The following CACNA2D3 variants were observed in gnomAD, a reference collection of about 807,000 sequenced individuals.
CACNA2D3 encodes the protein calcium voltage-gated channel auxiliary subunit alpha2delta 3, also known as voltage-dependent calcium channel subunit alpha-2/delta-3.
CACNA2D3 carries 60 observed loss-of-function variants against 160.6 expected under a neutral mutation model. The observed-to-expected ratio is 0.37, with a 90% confidence interval of 0.30 to 0.46. The LOEUF is 0.46. CACNA2D3 is among the 20% of genes least tolerant of loss of function. The pLI is 1.00. For synonymous variants in CACNA2D3, 558 were observed against 492.9 expected, an observed-to-expected ratio of 1.13 and a Z score of -1.75; for missense variants, 1,205 against 1,365.0, an observed-to-expected ratio of 0.88 and a Z score of 1.85.
intron 9 of CACNA2D3, among the ~76,000 whole-genome samples, chr3:54,621,734 G>A (rs762821999): frequency 3.3e-5 from 5 of 152,174 alleles, no homozygotes; most frequent in African/African-American, 9.7e-5. Context: ...AGTCAGCTAC[G>A]TGTCTCTATC....
chr3:54,526,640 T>G (rs1274569687), intron 5 of CACNA2D3, among the ~76,000 whole-genome samples: 1 of 152,206 alleles, frequency 6.6e-6, no homozygotes, highest in East Asian at 1.9e-4. Context: ...GAGCTTGGTC[T>G]TTTTCCCTGG....
chr3:55,041,133 A>G (rs1356886635), intron 35 of CACNA2D3, among the ~76,000 whole-genome samples: 2 of 152,160 alleles, frequency 1.3e-5, no homozygotes, highest in African/African-American at 4.8e-5. Flanking sequence ...TCAAAGCTGC[A>G]TGGTACTCCA....
At chr3:54,573,989 G>C (rs1702541764) in intron 8 of CACNA2D3, among the ~76,000 whole-genome samples, 1 of 152,056 alleles carries the variant, frequency 6.6e-6, no homozygotes, top group Non-Finnish European at 1.5e-5. Flanking sequence ...CGACCCAACT[G>C]CAGGTTCTTA....
chr3:54,374,929 C>G (rs1488674822), intron 3 of CACNA2D3, among the ~76,000 whole-genome samples: 3 of 152,216 alleles, frequency 2.0e-5, no homozygotes, highest in African/African-American at 4.8e-5. Flanking sequence ...TCCTTTCTCA[C>G]TAGCTCCCTG....
At chr3:54,300,358 T>C (rs963158163) in intron 2 of CACNA2D3, among the ~76,000 whole-genome samples, 9 of 152,258 alleles carry the variant, frequency 5.9e-5, no homozygotes, top group Non-Finnish European at 8.8e-5. Flanking sequence ...CCACGTGGCA[T>C]ATTCTCCCAA....
intron 17 of CACNA2D3, among the ~76,000 whole-genome samples, chr3:54,859,972 G>GCGCGCGCACACACACACACACACACA (rs535185040): frequency 1.9e-4 from 26 of 133,884 alleles, no homozygotes; most frequent in African/African-American, 7.2e-4. Flanking sequence ...GAAAGTAGAT[G>GCGCGCGCACACACACACACACACACA]CACACACACA....
At chr3:54,599,171 AT>A (rs758012701) in intron 9 of CACNA2D3, among the ~76,000 whole-genome samples, 4 of 152,188 alleles carry the variant, frequency 2.6e-5, no homozygotes, top group African/African-American at 4.8e-5. Context: ...TAGTCACGCC[AT>A]CCCCTTAAAC....
intron 13 of CACNA2D3, among the ~76,000 whole-genome samples, chr3:54,771,763 C>A (rs1031765721): frequency 6.6e-6 from 1 of 151,982 alleles, no homozygotes; most frequent in Non-Finnish European, 1.5e-5. Flanking sequence ...TCTAATTATA[C>A]CAGGGATATC....
At chr3:54,790,732 G>C (rs766547388) in intron 13 of CACNA2D3, among the ~76,000 whole-genome samples, 4 of 152,120 alleles carry the variant, frequency 2.6e-5, no homozygotes, top group Non-Finnish European at 5.9e-5. Context: ...CACCTCTGGA[G>C]CCTGATCATG....
chr3:54,511,789 T>C (rs1381181539), intron 5 of CACNA2D3, among the ~76,000 whole-genome samples: 1 of 152,190 alleles, frequency 6.6e-6, no homozygotes, highest in Non-Finnish European at 1.5e-5. Context: ...ACAGTAATAG[T>C]AGGGAGCTGG....
chr3:54,570,192 C>T, intron 8 of CACNA2D3, 88 bp downstream of exon 8: 2 of 1,341,412 alleles, frequency 1.5e-6, no homozygotes, highest in Non-Finnish European at 2.1e-6. Flanking sequence ...GCTGTTAGAT[C>T]CAGAGCATCT....
chr3:54,287,339 C>A lies in CACNA2D3; in HGVS notation c.205-33103C>A, dbSNP rs542201856. ...CAAAAGAGACAAAGAAGGCCATTAC[C>A]TAATGGTAAAGGGATCAATTCAACA... On this transcript the variant is annotated intron_variant, in intron 2 of 37. Coordinates refer to ENST00000474759, the MANE Select transcript of CACNA2D3 (RefSeq NM_018398.3). Among the ~76,000 whole-genome samples, 1,306 of 152,100 alleles carry A rather than the reference C, an allele frequency of 8.6e-3. 13 individuals are homozygous for A. The highest frequency in any genetic ancestry group is 0.014 in the Non-Finnish European group (945 of 67,958).
At position 54,824,153 on chromosome 3, in the gene CACNA2D3, T is replaced by A. The variant is rs149440683; in HGVS notation, c.1398+7283T>A. ...AAAGGTTTATAAACAGTGGGTTGTC[T>A]TACGTGGGACAAGTCTGAAAGTACC... On this transcript the variant is annotated intron_variant, in intron 14 of 37. Transcript: ENST00000474759. Among the ~76,000 whole-genome samples the A allele has an allele frequency of 1.4e-3, 218 of 152,348 alleles. 1 individual carries two copies. The highest frequency in any genetic ancestry group is 4.9e-3 in the African/African-American group (204 of 41,578).
In CACNA2D3 at chr3:54,895,624, C is replaced by A. The variant is rs77771389; in HGVS notation, c.2247-1125C>A. On this transcript the variant is annotated intron_variant, in intron 25 of 37. Coordinates refer to ENST00000474759, the MANE Select transcript of CACNA2D3 (RefSeq NM_018398.3). ...TTGTGATCCAACTCTCTGCTGCAAA[C>A]TGCTGGGTTGAAAGTGGTGCCATTT... 3.2e-3 allele frequency among the ~76,000 whole-genome samples: 483 copies of A among 152,324 alleles called. 4 individuals are homozygous for A. Among genetic ancestry groups the A allele is most frequent in the African/African-American group, 0.011 (466 of 41,576 alleles).
intron 35 of CACNA2D3, among the ~76,000 whole-genome samples, chr3:55,044,749 T>A (rs529078224): frequency 1.3e-5 from 2 of 152,322 alleles, no homozygotes; most frequent in African/African-American, 4.8e-5. Context: ...TTACTGTTTG[T>A]TTATTTCAAC....
At chr3:54,222,376 T>C (rs1701591309) in intron 2 of CACNA2D3, among the ~76,000 whole-genome samples, 1 of 152,194 alleles carries the variant, frequency 6.6e-6, no homozygotes, top group Non-Finnish European at 1.5e-5. Context: ...GCCAATGTCC[T>C]GAAGGCAGGA....
chr3:54,583,892 T>C (rs1269309350), intron 9 of CACNA2D3, among the ~76,000 whole-genome samples: 1 of 150,080 alleles, frequency 6.7e-6, no homozygotes, highest in Non-Finnish European at 1.5e-5. Flanking sequence ...GGACCAACAA[T>C]AGGCACAGAT....
chr3:54,556,692 A>G (rs1458563798), intron 5 of CACNA2D3, among the ~76,000 whole-genome samples: 1 of 152,202 alleles, frequency 6.6e-6, no homozygotes, highest in Non-Finnish European at 1.5e-5. Flanking sequence ...GGTCTTTTAA[A>G]CAGAATTTGA....
intron 2 of CACNA2D3, among the ~76,000 whole-genome samples, chr3:54,142,370 C>T (rs535021006): frequency 2.7e-4 from 41 of 152,322 alleles, no homozygotes; most frequent in African/African-American, 8.9e-4. Context: ...TCAGTTCCTG[C>T]TATGCCAGGG....
Sources: gnomAD v4.1 joint callset for allele counts (sites outside exome capture counted in the v4.1 genomes callset) on GRCh38, gnomAD v4.1.1 for gene constraint, MANE v1.5 for transcripts, NCBI Gene and HGNC (gene_info 2026-07-23, HGNC 2026-07-21) for gene names.